The following SLMAP variants were observed in gnomAD, a reference collection of about 807,000 sequenced individuals.
SLMAP encodes the protein sarcolemmal membrane-associated protein.
SLMAP carries 44 observed loss-of-function variants against 128.8 expected under a neutral mutation model. The observed-to-expected ratio is 0.34, with a 90% CI of 0.27 to 0.44. SLMAP has a LOEUF of 0.44. Among genes scored for constraint, SLMAP ranks in the 20% least tolerant of loss-of-function variants. SLMAP has a pLI of 1.00. For missense variants in SLMAP, 787 were observed against 985.3 expected, an observed-to-expected ratio of 0.80 and a Z score of 2.69; for synonymous variants, 327 against 348.8, an observed-to-expected ratio of 0.94 and a Z score of 0.70.
intron 14 of SLMAP, among the ~76,000 whole-genome samples, chr3:57,886,934 TG>T (rs990177323): frequency 6.6e-6 from 1 of 151,416 alleles, no homozygotes; most frequent in African/African-American, 2.4e-5. Flanking sequence ...GAGGTGGAGG[TG>T]GGGAATAAAT....
At chr3:57,854,339 T>G (rs551823084) in intron 6 of SLMAP, among the ~76,000 whole-genome samples, 3 of 151,770 alleles carry the variant, frequency 2.0e-5, no homozygotes, top group African/African-American at 7.2e-5. Flanking sequence ...GCTCTTGGCC[T>G]GTAATCCCAA....
intron 2 of SLMAP, among the ~76,000 whole-genome samples, chr3:57,803,283 G>T (rs2089023710): frequency 6.6e-6 from 1 of 152,092 alleles, no homozygotes; most frequent in Admixed American, 6.6e-5. Context: ...TAGATAAATA[G>T]GCCAAGGAGT....
At chr3:57,781,826 A>G (rs1430069082) in intron 2 of SLMAP, among the ~76,000 whole-genome samples, 4 of 137,368 alleles carry the variant, frequency 2.9e-5, no homozygotes, top group African/African-American at 1.1e-4. Context: ...TCTGCCTCCC[A>G]GGTTCAAGCA....
intron 17 of SLMAP, among the ~76,000 whole-genome samples, chr3:57,905,496 G>A (rs1347521427): frequency 6.6e-6 from 1 of 152,026 alleles, no homozygotes; most frequent in East Asian, 1.9e-4. Flanking sequence ...GCCTAGGTGG[G>A]TTTTGAACTC....
Position 57,909,109 on chromosome 3 carries a change from A to G in SLMAP, c.1658A>G (p.Asn553Ser), listed in dbSNP as rs2096632728. ...GAAGAAGAAAGAAAAGCCTATCGAAATCAAGTTGAGGAATCCACTAAACAA... is the reference window on the plus strand; with the variant it reads ...GAAGAAGAAAGAAAAGCCTATCGAAGTCAAGTTGAGGAATCCACTAAACAA... ...LLEEERKAYR[N>S]QVEESTKQIQ... The change falls in exon 19 of 25, where the codon AAT becomes AGT. Residue 553 changes from asparagine to serine, a missense_variant. Physicochemically the swap from Asn to Ser is conservative, Grantham distance 46. Coordinates refer to ENST00000671191, the MANE Select transcript of SLMAP (RefSeq NM_001377540.1). The G allele has an allele frequency of 1.2e-6, 2 of 1,612,314 alleles. No individual in the cohort carries two copies. Among genetic ancestry groups the G allele is most frequent in the Admixed American group, 1.7e-5 (1 of 59,860 alleles).
chr3:57,925,787 C>A, intron 23 of SLMAP, 58 bp from the exon 24 acceptor site: 1 of 1,259,912 alleles, frequency 7.9e-7, no homozygotes, highest in East Asian at 2.5e-5. Flanking sequence ...GGTCTGAATC[C>A]TCTTATCTGA....
chr3:57,838,191 G>A (rs532325145), intron 3 of SLMAP, among the ~76,000 whole-genome samples: 1 of 152,118 alleles, frequency 6.6e-6, no homozygotes, highest in Non-Finnish European at 1.5e-5. Flanking sequence ...CCAAATTAAA[G>A]TGTAGGTATT....
chr3:57,906,310 C>CTTTTTTTTT lies in SLMAP; in HGVS notation c.1502-1560_1502-1552dup, dbSNP rs999042505. ...GAATCAAATTTTTTTCTTTTTTTTTCTTTTTTTTTTTTTTTTTTTTTTAGA... is the reference window on the plus strand; with the variant it reads ...GAATCAAATTTTTTTCTTTTTTTTTCTTTTTTTTTTTTTTTTTTTTTTTTTTTTTTTAGA... On this transcript the variant is annotated intron_variant, in intron 17 of 24. Coordinates refer to ENST00000671191, the MANE Select transcript of SLMAP (RefSeq NM_001377540.1). Among the ~76,000 whole-genome samples the CTTTTTTTTT allele has an allele frequency of 4.6e-3, 216 of 47,002 alleles. 32 individuals carry two copies. The highest frequency in any genetic ancestry group is 0.023 in the East Asian group (23 of 1,022). 30.8% of individuals were successfully genotyped at this position (47,002 alleles called of 152,430 possible).
intron 2 of SLMAP, among the ~76,000 whole-genome samples, chr3:57,826,853 C>T (rs992643787): frequency 6.6e-6 from 1 of 152,182 alleles, no homozygotes; most frequent in Non-Finnish European, 1.5e-5. Flanking sequence ...CCAAATGCCC[C>T]CTTTGTTTCC....
chr3:57,898,439 C>CTTTTTCTT (rs2096290641), intron 17 of SLMAP: 1 of 151,892 alleles, frequency 6.6e-6, no homozygotes, highest in Non-Finnish European at 1.5e-5. Flanking sequence ...TCTCTTTTTT[C>CTTTTTCTT]TTTTTCTTTT....
At chr3:57,851,118 A>G (rs905023128) in intron 6 of SLMAP, among the ~76,000 whole-genome samples, 1 of 152,228 alleles carries the variant, frequency 6.6e-6, no homozygotes, top group Non-Finnish European at 1.5e-5. Context: ...CAGATAGAGT[A>G]ACTGAGAGGC....
chr3:57,769,309 C>T (rs1471424026), intron 2 of SLMAP, among the ~76,000 whole-genome samples: 2 of 152,084 alleles, frequency 1.3e-5, no homozygotes, highest in African/African-American at 4.8e-5. Context: ...TCTCCTGCCT[C>T]AGCCTCCTGA....
At chr3:57,837,524 A>G (rs924568567) in intron 3 of SLMAP, among the ~76,000 whole-genome samples, 2 of 152,048 alleles carry the variant, frequency 1.3e-5, no homozygotes, top group Non-Finnish European at 2.9e-5. Flanking sequence ...ACCCACCACC[A>G]CGTCCGGCTA....
intron 14 of SLMAP, among the ~76,000 whole-genome samples, chr3:57,885,804 GA>G (rs1200640125): frequency 9.9e-5 from 6 of 60,530 alleles, no homozygotes; most frequent in African/African-American, 3.8e-4. Flanking sequence ...TTTTTTTTGA[GA>G]CAGAGTCTTG....
intron 13 of SLMAP, among the ~76,000 whole-genome samples, chr3:57,868,375 C>G (rs549181389): frequency 2.0e-5 from 3 of 151,860 alleles, no homozygotes; most frequent in Non-Finnish European, 2.9e-5. Flanking sequence ...CCCAGAAGCT[C>G]GAAACCAGCC....
intron 19 of SLMAP, 52 bp downstream of exon 19, chr3:57,909,202 G>A: frequency 1.4e-6 from 2 of 1,389,802 alleles, no homozygotes; most frequent in Non-Finnish European, 2.0e-6. Context: ...TTTGTTTTTA[G>A]TGATTCAAAA....
chr3:57,813,909 T>TA (rs2091440980), intron 2 of SLMAP, among the ~76,000 whole-genome samples: 1 of 152,092 alleles, frequency 6.6e-6, no homozygotes, highest in African/African-American at 2.4e-5. Context: ...CCTGAGCTTT[T>TA]AGGCTTGAGA....
chr3:57,915,415 C>A (rs902184764), intron 21 of SLMAP, among the ~76,000 whole-genome samples: 5 of 152,162 alleles, frequency 3.3e-5, no homozygotes, highest in African/African-American at 4.8e-5. Context: ...CAGATTAATT[C>A]TTTTTCTTAA....
chr3:57,831,519 A>G lies in SLMAP; in HGVS notation c.335A>G (p.Asn112Ser), dbSNP rs2093334171. 6.4e-7 allele frequency: 1 copy of G among 1,555,380 alleles called. No individual in the cohort carries two copies. The highest frequency in any genetic ancestry group is 1.4e-5 in the African/African-American group (1 of 72,456). ...CAGTTTGGAGTAGACGTGACAGAGA[A>G]TACACGGAAAGGTACGGGTATGGAT... The part of the protein sequence containing the change: ...IIQFGVDVTE[N>S]TRKVTHGCIV... The change falls in exon 3 of 25, where the codon AAT becomes AGT. Residue 112 changes from asparagine to serine, a missense_variant. Around this residue, in one of 2 missense-constraint regions of SLMAP, gnomAD observed 715 missense variants for 843.6 expected, o/e 0.85. Transcript: ENST00000671191.
Sources: allele counts gnomAD v4.1 joint callset (sites outside exome capture counted in the v4.1 genomes callset), GRCh38; gene constraint gnomAD v4.1.1; regional missense constraint gnomAD v4.1.1; transcripts MANE v1.5; gene names NCBI Gene and HGNC (gene_info 2026-07-23, HGNC 2026-07-21).